The following CIITA variants were observed in gnomAD, a reference collection of about 807,000 sequenced individuals.
The protein encoded by CIITA is MHC class II transactivator.
In CIITA, 72 loss-of-function variants were observed where a neutral mutation model predicts 115.1. The ratio of observed to expected loss-of-function variants is 0.63; its 90% CI spans 0.52 to 0.76. CIITA has a LOEUF of 0.76. Ranked by LOEUF, CIITA falls within the 30% of genes least tolerant of loss-of-function variation. The pLI is 0.00. For missense variants in CIITA, 1,617 were observed against 1,463.8 expected, an observed-to-expected ratio of 1.10 and a Z score of -1.71; for synonymous variants, 763 against 635.6, an observed-to-expected ratio of 1.20 and a Z score of -3.02.
In CIITA at chr16:10,901,503, T is replaced by C. The variant is rs768251799; in HGVS notation, c.437-11T>C. On this transcript the variant is annotated splice_polypyrimidine_tract_variant and intron_variant, in intron 5 of 19. Coordinates refer to ENST00000324288, the MANE Select transcript of CIITA (RefSeq NM_000246.4). This position sits in a 1 kb window ranked among gnomAD's most constrained non-coding sequence, Gnocchi z 6.8. ...CTCCCTGGGGCAGCTGATCACATGTTTTCTCTGCAGCCTTCCCAGAGGAGC... is the reference window on the plus strand; with the variant it reads ...CTCCCTGGGGCAGCTGATCACATGTCTTCTCTGCAGCCTTCCCAGAGGAGC... 5 of 1,614,092 alleles carry C rather than the reference T, an allele frequency of 3.1e-6. No homozygotes were observed. The highest frequency in any genetic ancestry group is 4.2e-6 in the Non-Finnish European group (5 of 1,180,010).
chr16:10,887,592 T>C (rs1022082201), intron 1 of CIITA, among the ~76,000 whole-genome samples: 1 of 151,426 alleles, frequency 6.6e-6, no homozygotes, highest in Middle Eastern at 3.4e-3. Flanking sequence ...GCCTCCCAGG[T>C]TCAAGCAATT....
At chr16:10,888,141 T>C (rs897260998) in intron 1 of CIITA, among the ~76,000 whole-genome samples, 6 of 152,234 alleles carry the variant, frequency 3.9e-5, no homozygotes, top group African/African-American at 1.2e-4. Flanking sequence ...GTACTCACCA[T>C]GCAGAAGTTG....
Position 10,870,101 on chromosome 16 carries a change from C to T in CIITA, c.-21+3782C>T, listed in dbSNP as rs532026418. Among the ~76,000 whole-genome samples, 6 of 143,456 alleles carry T rather than the reference C, an allele frequency of 4.2e-5. No individual in the cohort carries two copies. In the East Asian group the frequency reaches 1.2e-3, roughly 29 times the overall value. The allele number at this position is 143,456 out of a possible 152,430, so 94.1% of individuals were successfully genotyped here. A position where few individuals can be genotyped will look rare whatever the true frequency, so the allele number is the denominator to read the frequency against. On this transcript the variant is annotated intron_variant, in intron 1 of 5. Coordinates refer to the CIITA transcript ENST00000636238. Reference sequence around the variant, plus strand: ...AGGCACAGAGAAGTTAATGATTTGCCTCTGGTCATGACCTGAGGAGGGAGA... The same window carrying T: ...AGGCACAGAGAAGTTAATGATTTGCTTCTGGTCATGACCTGAGGAGGGAGA...
intron 11 of CIITA, chr16:10,908,716 C>T: frequency 1.8e-6 from 1 of 565,494 alleles, no homozygotes; most frequent in East Asian, 3.0e-5. Context: ...AGCTTAATCG[C>T]CAGAGGATTG....
chr16:10,910,153 T>C (rs762326796), intron 12 of CIITA, 35 bp from the exon 13 acceptor site: 7 of 1,587,338 alleles, frequency 4.4e-6, no homozygotes, highest in Non-Finnish European at 5.2e-6. Context: ...GTGACAGCAG[T>C]GCCTGCTCCC....
chr16:10,938,610 G>A (rs913671013), downstream of CIITA: 4 of 152,170 alleles, frequency 2.6e-5, no homozygotes, highest in African/African-American at 9.7e-5. This position sits in a 1 kb window ranked among gnomAD's most constrained non-coding sequence, Gnocchi z 4.9. Context: ...GTCTTTCCTG[G>A]CGGCTTCCCT....
chr16:10,898,800 C>T (rs2038406846), intron 4 of CIITA, 68 bp downstream of exon 4: 1 of 1,602,246 alleles, frequency 6.2e-7, no homozygotes, highest in Non-Finnish European at 8.5e-7. Flanking sequence ...CTGGGGGGTG[C>T]CCTAATACCT....
chr16:10,914,103 G>T (rs1475486147), intron 13 of CIITA, among the ~76,000 whole-genome samples: 2 of 152,058 alleles, frequency 1.3e-5, no homozygotes, highest in African/African-American at 4.8e-5. Context: ...CCCCTGGAAT[G>T]TCAGCACCCA....
At position 10,910,265 on chromosome 16, in the gene CIITA, C is replaced by A. The variant is rs759248243; in HGVS notation, c.2888+6C>A. ...CTAAAGAAACTGGAGTTTGCGTAAG[C>A]AAAGGGGTGGATTGTCTTGTGGGTC... On this transcript the variant is annotated splice_donor_region_variant and intron_variant, in intron 13 of 19. Transcript: ENST00000324288. The A allele has an allele frequency of 6.2e-7, 1 of 1,613,372 alleles. No homozygotes were observed. Among genetic ancestry groups the A allele is most frequent in the Non-Finnish European group, 8.5e-7 (1 of 1,179,480 alleles).
At chr16:10,875,161 GT>G (rs2035747510), upstream of CIITA, among the ~76,000 whole-genome samples, 1 of 151,998 alleles carries the variant, frequency 6.6e-6, no homozygotes, top group African/African-American at 2.4e-5. Context: ...ATTTTGCCAC[GT>G]TGGCCAGGCT....
In CIITA at chr16:10,909,190, G is replaced by GAGAGGAGAGGC; in HGVS notation, c.2816+4_2816+14dup. On this transcript the variant is annotated splice_donor_region_variant and intron_variant, in intron 12 of 19. Coordinates refer to ENST00000324288, the MANE Select transcript of CIITA (RefSeq NM_000246.4). ...GGAAAGCTTGTGCAGACTCAGAGGTGAGAGGAGAGGCGGATGGGAGGTGGT... is the reference window on the plus strand; with the variant it reads ...GGAAAGCTTGTGCAGACTCAGAGGTGAGAGGAGAGGCAGAGGAGAGGCGGATGGGAGGTGGT... 1 of 1,614,162 alleles carries GAGAGGAGAGGC rather than the reference G, an allele frequency of 6.2e-7. No individual in the cohort carries two copies. Among genetic ancestry groups the GAGAGGAGAGGC allele is most frequent in the Non-Finnish European group, 8.5e-7 (1 of 1,180,042 alleles).
intron 8 of CIITA, among the ~76,000 whole-genome samples, chr16:10,903,077 A>T (rs577890271): frequency 6.6e-6 from 1 of 152,182 alleles, no homozygotes; most frequent in African/African-American, 2.4e-5. Flanking sequence ...TATTTTTTTT[A>T]AATGTTTTTG....
chr16:10,901,886 GC>G lies in CIITA; in HGVS notation c.482-151del. On this transcript the variant is annotated intron_variant, in intron 6 of 19. Coordinates refer to ENST00000324288, the MANE Select transcript of CIITA (RefSeq NM_000246.4). The surrounding 1 kb of genome is among the most constrained non-coding windows in gnomAD (Gnocchi z 6.8). ...GGACTGGGGGACTGCCTGGCACAGA[GC>G]AGTTGCTGATCAACACAGCTGCAGC... 9.0e-7 allele frequency: 1 copy of G among 1,106,576 alleles called. No individual in the cohort carries two copies. The highest frequency in any genetic ancestry group is 1.3e-6 in the Non-Finnish European group (1 of 742,630). 68.5% of individuals were successfully genotyped at this position (1,106,576 alleles called of 1,614,324 possible). A position where few individuals can be genotyped will look rare whatever the true frequency, so the allele number is the denominator to read the frequency against.
rs2144713841 is a variant in CIITA, at chr16:10,907,076, G to A, written c.1584G>A (p.Leu528=). 3 of 1,607,512 alleles carry A rather than the reference G, an allele frequency of 1.9e-6. No individual in the cohort carries two copies. The highest frequency in any genetic ancestry group is 8.5e-7 in the Non-Finnish European group (1 of 1,179,840). The change falls in exon 11 of 20, where the codon CTG becomes CTA. Residue 528 remains leucine, a synonymous_variant. Coordinates refer to ENST00000324288, the MANE Select transcript of CIITA (RefSeq NM_000246.4). This position sits in a 1 kb window ranked among gnomAD's most constrained non-coding sequence, Gnocchi z 5.0. ...APAEPCSLRG[L]LAGLFQKKLL... ...CGGAGCCCTGCTCCCTCCGGGGGCT[G>A]CTGGCCGGCCTTTTCCAGAAGAAGC...
At chr16:10,867,119 C>T (rs2035127596) in intron 1 of CIITA, among the ~76,000 whole-genome samples, 1 of 152,126 alleles carries the variant, frequency 6.6e-6, no homozygotes, top group Non-Finnish European at 1.5e-5. Context: ...TGGTGGGTGC[C>T]TGTAGTCCCA....
chr16:10,910,506 G>C (rs6498126), intron 13 of CIITA, among the ~76,000 whole-genome samples: 110,321 of 152,136 alleles, frequency 0.73, 40,744 homozygotes, highest in South Asian at 0.88. Context: ...ATTCAACAGA[G>C]GTATTGAGCA....
Position 10,920,594 on chromosome 16 carries a change from A to G in CIITA, c.3150-1573A>G, listed in dbSNP as rs748998100. On this transcript the variant is annotated intron_variant, in intron 16 of 19. Coordinates refer to ENST00000324288, the MANE Select transcript of CIITA (RefSeq NM_000246.4). This position sits in a 1 kb window ranked among gnomAD's most constrained non-coding sequence, Gnocchi z 4.5. ...CATATTTCATGGAATCTAAGATGCC[A>G]TCCATTGTAAGACCCCAATATGAGG... Among the ~76,000 whole-genome samples, 30 of 152,346 alleles carry G rather than the reference A, an allele frequency of 2.0e-4. No homozygotes were observed. Among genetic ancestry groups the G allele is most frequent in the Admixed American group, 3.9e-4 (6 of 15,308 alleles).
rs2038796272 is a variant in CIITA, at chr16:10,901,886, G to C, written c.482-152G>C. ...GGACTGGGGGACTGCCTGGCACAGA[G>C]CAGTTGCTGATCAACACAGCTGCAG... On this transcript the variant is annotated intron_variant, in intron 6 of 19. Coordinates refer to ENST00000324288, the MANE Select transcript of CIITA (RefSeq NM_000246.4). The surrounding 1 kb of genome is among the most constrained non-coding windows in gnomAD (Gnocchi z 6.8). 12 of 1,106,576 alleles carry C rather than the reference G, an allele frequency of 1.1e-5. No homozygotes were observed. Among genetic ancestry groups the C allele is most frequent in the Non-Finnish European group, 1.6e-5 (12 of 742,630 alleles). 68.5% of individuals were successfully genotyped at this position (1,106,576 alleles called of 1,614,324 possible). A position where few individuals can be genotyped will look rare whatever the true frequency, so the allele number is the denominator to read the frequency against.
chr16:10,903,618 C>A, intron 8 of CIITA, 113 bp from the exon 9 acceptor site: 1 of 1,142,192 alleles, frequency 8.8e-7, no homozygotes, highest in Non-Finnish European at 1.3e-6. Flanking sequence ...GTTCTACTCT[C>A]TTCTCTCCAG....
Sources: gnomAD v4.1 joint callset for allele counts (sites outside exome capture counted in the v4.1 genomes callset) on GRCh38, gnomAD v4.1.1 for gene constraint, Gnocchi (gnomAD v3.1) non-coding constraint, MANE v1.5 for transcripts, NCBI Gene and HGNC (gene_info 2026-07-23, HGNC 2026-07-21) for gene names.